Variants in SEMA5B observed in about 807,000 individuals in gnomAD.
SEMA5B encodes semaphorin-5B.
SEMA5B carries 66 observed loss-of-function variants against 135.0 expected under a neutral mutation model. The observed-to-expected ratio is 0.49, with a 90% CI of 0.40 to 0.60. SEMA5B has a LOEUF of 0.60. SEMA5B is among the 20% of genes least tolerant of loss of function. The pLI is 0.00. For synonymous variants in SEMA5B, 690 were observed against 639.5 expected, an observed-to-expected ratio of 1.08 and a Z score of -1.19; for missense variants, 1,501 against 1,566.3, an observed-to-expected ratio of 0.96 and a Z score of 0.70.
At chr3:122,911,380 C>T in intron 21 of SEMA5B, 111 bp downstream of exon 21, 1 of 1,552,994 alleles carries the variant, frequency 6.4e-7, no homozygotes, top group Non-Finnish European at 8.7e-7. Context: ...CAGTGGGGAC[C>T]CCAACAAAGC....
chr3:123,022,685 C>G (rs1232472314), intron 1 of SEMA5B, among the ~76,000 whole-genome samples: 2 of 152,244 alleles, frequency 1.3e-5, no homozygotes, highest in Non-Finnish European at 2.9e-5. Flanking sequence ...TTTTATTCCA[C>G]TTTGAAGCCA....
At chr3:122,938,029 C>T (rs1052253021) in intron 5 of SEMA5B, among the ~76,000 whole-genome samples, 10 of 152,218 alleles carry the variant, frequency 6.6e-5, no homozygotes, top group African/African-American at 2.2e-4. Flanking sequence ...TGACTGAGCT[C>T]ACAGGCCACA....
intron 9 of SEMA5B, among the ~76,000 whole-genome samples, chr3:122,926,107 TC>T (rs1938615975): frequency 6.6e-6 from 1 of 152,200 alleles, no homozygotes; most frequent in Non-Finnish European, 1.5e-5. Flanking sequence ...CATGGCTATA[TC>T]CCCTCATCCA....
intron 1 of SEMA5B, among the ~76,000 whole-genome samples, chr3:123,006,859 T>C (rs58027666): frequency 0.13 from 19,855 of 152,080 alleles, 2,013 homozygotes; most frequent in African/African-American, 0.27. Flanking sequence ...GAAACACAGC[T>C]GCTTAGATGA....
intron 14 of SEMA5B, 118 bp downstream of exon 14, chr3:122,915,322 A>C: frequency 2.1e-6 from 2 of 974,748 alleles, no homozygotes; most frequent in Non-Finnish European, 3.0e-6. Flanking sequence ...AGTCCCTAGC[A>C]CAGCCCTGAA....
At chr3:123,004,986 A>G (rs577977181) in intron 1 of SEMA5B, among the ~76,000 whole-genome samples, 2 of 152,332 alleles carry the variant, frequency 1.3e-5, no homozygotes, top group South Asian at 4.1e-4. Context: ...GAATGGGAGA[A>G]CCAGGGCCTG....
intron 12 of SEMA5B, 91 bp downstream of exon 12, chr3:122,921,824 G>T (rs1938358557): frequency 9.0e-6 from 10 of 1,114,806 alleles, no homozygotes; most frequent in Non-Finnish European, 1.2e-5. Context: ...AGACTGCAGG[G>T]ACCGACCCCA....
intron 5 of SEMA5B, among the ~76,000 whole-genome samples, chr3:122,937,169 C>A (rs4677976): frequency 0.22 from 33,296 of 152,150 alleles, 3,931 homozygotes; most frequent in East Asian, 0.33. Context: ...GGCCCAGCCG[C>A]CCTTGTCAGC....
chr3:122,972,846 G>A (rs1941178074), intron 1 of SEMA5B, among the ~76,000 whole-genome samples: 1 of 152,190 alleles, frequency 6.6e-6, no homozygotes, highest in Non-Finnish European at 1.5e-5. Flanking sequence ...CCTGAGAGCA[G>A]CTACAGATCC....
intron 1 of SEMA5B, among the ~76,000 whole-genome samples, chr3:122,979,020 CGGTTCAGA>C (rs984916801): frequency 6.6e-6 from 1 of 152,080 alleles, no homozygotes; most frequent in Non-Finnish European, 1.5e-5. Flanking sequence ...GCTCCGAAGG[CGGTTCAGA>C]GAGGGAGACG....
At chr3:122,926,146 G>A (rs953761041) in intron 9 of SEMA5B, among the ~76,000 whole-genome samples, 2 of 152,182 alleles carry the variant, frequency 1.3e-5, no homozygotes, top group African/African-American at 4.8e-5. Flanking sequence ...TTCATCACCA[G>A]CATGTTCCTC....
At position 123,003,060 on chromosome 3, in the gene SEMA5B, C is replaced by T. The variant is rs556149122; in HGVS notation, c.-39+24404G>A. Among the ~76,000 whole-genome samples the T allele has an allele frequency of 5.3e-5, 8 of 152,134 alleles. No individual in the cohort carries two copies. The East Asian group carries it at 1.4e-3, about 26-fold the overall frequency. On this transcript the variant is annotated intron_variant, in intron 1 of 22. Coordinates refer to ENST00000357599, the MANE Select transcript of SEMA5B (RefSeq NM_001031702.4). ...ATAGTTACCACCAAGAAGGGGAAAG[C>T]ACGCTGCAGACACCTGCAGATGGCT...
intron 1 of SEMA5B, among the ~76,000 whole-genome samples, chr3:123,000,887 G>A (rs749781863): frequency 5.9e-5 from 9 of 152,212 alleles, no homozygotes; most frequent in Non-Finnish European, 5.9e-5. Flanking sequence ...GTACGTGGTC[G>A]TAGTTGATCT....
At chr3:122,996,045 T>C (rs570938521) in intron 1 of SEMA5B, among the ~76,000 whole-genome samples, 25 of 152,298 alleles carry the variant, frequency 1.6e-4, no homozygotes, top group South Asian at 2.1e-4. Flanking sequence ...ACAGCACTAG[T>C]CTGAGGGCCT....
chr3:122,979,492 T>A (rs886426543), intron 1 of SEMA5B, among the ~76,000 whole-genome samples: 1 of 152,218 alleles, frequency 6.6e-6, no homozygotes, highest in African/African-American at 2.4e-5. Context: ...TCATTTGTGC[T>A]ACAGTTTCTT....
At chr3:122,969,015 A>C (rs995260458) in intron 1 of SEMA5B, among the ~76,000 whole-genome samples, 1 of 152,206 alleles carries the variant, frequency 6.6e-6, no homozygotes, top group Admixed American at 6.5e-5. Flanking sequence ...GTGAAAATAC[A>C]TGGGTTCTGT....
chr3:122,977,776 G>T (rs1941381748), intron 1 of SEMA5B, among the ~76,000 whole-genome samples: 1 of 152,226 alleles, frequency 6.6e-6, no homozygotes, highest in East Asian at 1.9e-4. Flanking sequence ...TTAAAATGCA[G>T]GTCTCCAGGC....
intron 1 of SEMA5B, among the ~76,000 whole-genome samples, chr3:122,970,791 C>T (rs373304231): frequency 3.3e-5 from 5 of 152,364 alleles, no homozygotes; most frequent in African/African-American, 1.2e-4. Context: ...AAGGACAATT[C>T]TGGGACGGAA....
chr3:122,992,959 G>A (rs1211488924), intron 1 of SEMA5B: 1 of 152,302 alleles, frequency 6.6e-6, no homozygotes, highest in African/African-American at 2.4e-5. Flanking sequence ...ACGCCTGGGA[G>A]CAGACCTGGG....
Sources: allele counts gnomAD v4.1 joint callset (sites outside exome capture counted in the v4.1 genomes callset), GRCh38; gene constraint gnomAD v4.1.1; transcripts MANE v1.5; gene names NCBI Gene and HGNC (gene_info 2026-07-23, HGNC 2026-07-21).